Variants in ENPP2 observed in about 807,000 individuals in gnomAD.
ENPP2 encodes autotaxin.
ENPP2 carries 51 observed loss-of-function variants against 120.2 expected under a neutral mutation model. The ratio of observed to expected loss-of-function variants is 0.42; its 90% CI spans 0.34 to 0.54. The LOEUF is 0.54. ENPP2 is among the 20% of genes least tolerant of loss of function. The probability of loss-of-function intolerance (pLI) is 0.04; values close to 1 mark genes in which losing one functional copy is unlikely to be tolerated. For missense variants in ENPP2, 920 were observed against 1,066.5 expected, an observed-to-expected ratio of 0.86 and a Z score of 1.91; for synonymous variants, 365 against 366.4, an observed-to-expected ratio of 1.00 and a Z score of 0.04.
intron 23 of ENPP2, 152 bp downstream of exon 23, chr8:119,564,671 C>A (rs113961024): frequency 0.035 from 9,692 of 277,282 alleles, 292 homozygotes; most frequent in East Asian, 0.097. Context: ...GAGCAAGACG[C>A]CGTCTCAAAA....
intron 5 of ENPP2, chr8:119,618,317 T>C: frequency 2.1e-6 from 1 of 484,254 alleles, no homozygotes; most frequent in South Asian, 1.5e-5. Flanking sequence ...TTTGTTCTTA[T>C]GGGCCTCTGT....
At chr8:119,672,940 G>A (rs1355897298) in intron 1 of ENPP2, among the ~76,000 whole-genome samples, 2 of 152,252 alleles carry the variant, frequency 1.3e-5, no homozygotes, top group African/African-American at 4.8e-5. Context: ...TAAGGCTGAG[G>A]GTCGCCCGCT....
At chr8:119,635,825 GTTAA>G (rs1432868464) in intron 2 of ENPP2, among the ~76,000 whole-genome samples, 6 of 152,142 alleles carry the variant, frequency 3.9e-5, no homozygotes, top group African/African-American at 1.4e-4. Flanking sequence ...AAGTGTGTTA[GTTAA>G]TTAATTATGA....
chr8:119,638,696 T>C (rs962130515), intron 1 of ENPP2, 52 bp downstream of exon 1: 10 of 1,191,972 alleles, frequency 8.4e-6, no homozygotes, highest in Non-Finnish European at 1.3e-5. Flanking sequence ...TGCCAATCAG[T>C]CACTGATTCT....
rs916975926 is a variant in ENPP2 at position 119,563,127 on chromosome 8, T to C, written c.2265-114A>G. On this transcript the variant is annotated intron_variant, in intron 23 of 24. Transcript: ENST00000075322. ...GTCACTAAAATTAATCCCCATTCAATTGAATCATTTTTCACTTCTAAGCAC... is the reference window on the plus strand; with the variant it reads ...GTCACTAAAATTAATCCCCATTCAACTGAATCATTTTTCACTTCTAAGCAC... 27 of 831,896 alleles carry C rather than the reference T, an allele frequency of 3.2e-5. No individual in the cohort carries two copies. In the Admixed American group the frequency reaches 5.7e-4, roughly 18 times the overall value. The allele number at this position is 831,896 out of a possible 1,614,324, so 51.5% of individuals were successfully genotyped here. A position where few individuals can be genotyped will look rare whatever the true frequency, so the allele number is the denominator to read the frequency against.
chr8:119,605,459 TG>T (rs1814646723), intron 9 of ENPP2, among the ~76,000 whole-genome samples: 3 of 150,240 alleles, frequency 2.0e-5, no homozygotes, highest in African/African-American at 7.4e-5. Context: ...TGTGTGTGTG[TG>T]TGTGTATTTT....
chr8:119,638,424 C>G lies in ENPP2; in HGVS notation c.136+1G>C. On this transcript the variant is annotated splice_donor_variant, in intron 2 of 24. Transcript: ENST00000075322. LOFTEE classifies it high-confidence loss of function. ...AAAATGCAAATAGTTTTGACACTTACCTGTAGGAGGACCTTCCTCCCATCC... is the reference window on the plus strand; with the variant it reads ...AAAATGCAAATAGTTTTGACACTTAGCTGTAGGAGGACCTTCCTCCCATCC... The G allele has an allele frequency of 6.6e-7, 1 of 1,513,244 alleles. No individual in the cohort carries two copies. Among genetic ancestry groups the G allele is most frequent in the South Asian group, 1.1e-5 (1 of 89,134 alleles). The allele number at this position is 1,513,244 out of a possible 1,614,324, so 93.7% of individuals were successfully genotyped here.
intron 11 of ENPP2, among the ~76,000 whole-genome samples, chr8:119,595,052 G>A (rs535295061): frequency 6.6e-6 from 1 of 152,340 alleles, no homozygotes; most frequent in African/African-American, 2.4e-5. Context: ...ACTAACGGGT[G>A]TGGAACAAAG....
At chr8:119,601,041 A>T (rs1814265703) in intron 10 of ENPP2, among the ~76,000 whole-genome samples, 1 of 152,144 alleles carries the variant, frequency 6.6e-6, no homozygotes, top group African/African-American at 2.4e-5. Context: ...GCGGTAATTC[A>T]CATGGGCCGT....
At chr8:119,595,457 C>T (rs1813818364) in intron 11 of ENPP2, among the ~76,000 whole-genome samples, 1 of 152,110 alleles carries the variant, frequency 6.6e-6, no homozygotes, top group Admixed American at 6.5e-5. Context: ...AGCCAACTTC[C>T]TATTGAGTTC....
chr8:119,673,182 T>C (rs1818304180), intron 1 of ENPP2: 2 of 1,353,020 alleles, frequency 1.5e-6, no homozygotes, highest in East Asian at 2.5e-5. Flanking sequence ...TTTTTCTGCT[T>C]GACAGAATGG....
chr8:119,628,827 G>A (rs11786983), intron 2 of ENPP2, among the ~76,000 whole-genome samples: 43,053 of 152,012 alleles, frequency 0.28, 6,809 homozygotes, highest in Middle Eastern at 0.43. Context: ...TTTGCATCAC[G>A]TTTTTAAAAT....
chr8:119,570,309 G>A (rs1041826369), intron 20 of ENPP2, among the ~76,000 whole-genome samples: 3 of 149,846 alleles, frequency 2.0e-5, no homozygotes, highest in African/African-American at 7.3e-5. Context: ...CTGATAGTGG[G>A]GGAGGTTGAA....
chr8:119,619,644 C>T (rs959534733), intron 4 of ENPP2, among the ~76,000 whole-genome samples: 1 of 149,896 alleles, frequency 6.7e-6, no homozygotes, highest in African/African-American at 2.5e-5. Context: ...TTAGATGGAA[C>T]ATTCTTTTCT....
At chr8:119,619,414 T>TAA in intron 4 of ENPP2, 110 bp from the exon 5 acceptor site, 1 of 494,952 alleles carries the variant, frequency 2.0e-6, no homozygotes, top group African/African-American at 6.2e-5. Flanking sequence ...TTATGGGATA[T>TAA]AACAAAAAAA....
At chr8:119,663,994 C>T (rs958981230) in intron 1 of ENPP2, among the ~76,000 whole-genome samples, 7 of 152,114 alleles carry the variant, frequency 4.6e-5, no homozygotes, top group African/African-American at 1.7e-4. Flanking sequence ...AAACAAAGCT[C>T]CTAAGTGGAG....
chr8:119,655,780 C>T (rs116813027), intron 1 of ENPP2, among the ~76,000 whole-genome samples: 2,831 of 152,280 alleles, frequency 0.019, 85 homozygotes, highest in African/African-American at 0.064. Flanking sequence ...ATTTACATAC[C>T]TAGCACGGGA....
At chr8:119,577,457 A>T (rs573967856) in intron 19 of ENPP2, among the ~76,000 whole-genome samples, 2 of 152,334 alleles carry the variant, frequency 1.3e-5, no homozygotes, top group Admixed American at 6.5e-5. Flanking sequence ...CCAAGAAAAC[A>T]TCGCTTTGCC....
At chr8:119,663,108 G>A (rs1263259081) in intron 1 of ENPP2, among the ~76,000 whole-genome samples, 1 of 131,912 alleles carries the variant, frequency 7.6e-6, no homozygotes, top group Non-Finnish European at 1.6e-5. Context: ...CACAGTGAGA[G>A]ACTCTTGTCT....
Sources: gnomAD v4.1 joint callset for allele counts (sites outside exome capture counted in the v4.1 genomes callset) on GRCh38, gnomAD v4.1.1 for gene constraint, MANE v1.5 for transcripts, NCBI Gene and HGNC (gene_info 2026-07-23, HGNC 2026-07-21) for gene names.